Variants in KCNN2 observed in about 807,000 individuals in gnomAD.
KCNN2 encodes the protein small conductance calcium-activated potassium channel protein 2.
A neutral mutation model predicts 55.5 loss-of-function variants in KCNN2; 24 were observed. The ratio of observed to expected loss-of-function variants is 0.43; its 90% CI spans 0.31 to 0.61. KCNN2 has a LOEUF of 0.61. Among genes scored for constraint, KCNN2 ranks in the 20% least tolerant of loss-of-function variants. KCNN2 has a pLI of 0.08. For missense variants in KCNN2, 754 were observed against 853.6 expected (o/e 0.88, Z 1.45); for synonymous variants, 431 against 336.1 (o/e 1.28, Z -3.09).
At chr5:114,070,257 A>T (rs552333958) in intron 1 of KCNN2, among the ~76,000 whole-genome samples, 40 of 152,202 alleles carry the variant, frequency 2.6e-4, no homozygotes, top group Non-Finnish European at 5.7e-4. Context: ...TCTGAGGCCT[A>T]TGTCCCTGGC....
intron 2 of KCNN2, among the ~76,000 whole-genome samples, chr5:114,243,848 T>A (rs10044377): frequency 6.6e-6 from 1 of 152,154 alleles, no homozygotes; most frequent in African/African-American, 2.4e-5. Flanking sequence ...AGGTTTCACT[T>A]TGGGTAAGAA....
intron 3 of KCNN2, among the ~76,000 whole-genome samples, chr5:114,456,564 AT>A (rs1760937596): frequency 6.6e-6 from 1 of 152,210 alleles, no homozygotes; most frequent in South Asian, 2.1e-4. Flanking sequence ...CTCAAGTCAT[AT>A]TATTTCAAAA....
At position 114,473,326 on chromosome 5, in the gene KCNN2, A is replaced by G. The variant is rs774438663; in HGVS notation, c.1890+162A>G. The G allele has an allele frequency of 5.8e-4, 359 of 615,248 alleles. 1 individual carries two copies. Among genetic ancestry groups the G allele is most frequent in the South Asian group, 2.6e-3 (129 of 50,492 alleles). 38.1% of individuals were successfully genotyped at this position (615,248 alleles called of 1,614,324 possible). A position where few individuals can be genotyped will look rare whatever the true frequency, so the allele number is the denominator to read the frequency against. On this transcript the variant is annotated intron_variant, in intron 5 of 7. Transcript: ENST00000673685. Reference sequence around the variant, plus strand: ...TTTTATCACATTTTGAGAATAGACTATTTCTACCTTGAGGTCAGTTAGGAA... The same window carrying G: ...TTTTATCACATTTTGAGAATAGACTGTTTCTACCTTGAGGTCAGTTAGGAA...
At chr5:114,363,579 C>T (rs1018698263) in intron 1 of KCNN2, among the ~76,000 whole-genome samples, 1 of 152,152 alleles carries the variant, frequency 6.6e-6, no homozygotes, top group Non-Finnish European at 1.5e-5. Flanking sequence ...TTTAGAAGGG[C>T]CCTTTCAACC....
chr5:114,464,821 CGG>C (rs1761366360), intron 4 of KCNN2, among the ~76,000 whole-genome samples: 1 of 49,238 alleles, frequency 2.0e-5, no homozygotes, highest in Non-Finnish European at 4.3e-5. Context: ...AAAAAAAAAA[CGG>C]TATGCTGCAT....
At chr5:114,320,201 C>T (rs1435501358) in intron 2 of KCNN2, among the ~76,000 whole-genome samples, 1 of 152,154 alleles carries the variant, frequency 6.6e-6, no homozygotes, top group Non-Finnish European at 1.5e-5. Context: ...GTAAAATCAA[C>T]ATACCCTGTC....
chr5:114,466,462 T>TA (rs1458467354), intron 4 of KCNN2, among the ~76,000 whole-genome samples: 5 of 117,944 alleles, frequency 4.2e-5, no homozygotes, highest in African/African-American at 1.4e-4. Flanking sequence ...AAAGTTATTT[T>TA]ATCTTCCTAG....
At chr5:114,480,616 A>G (rs1377858973) in intron 5 of KCNN2, among the ~76,000 whole-genome samples, 8 of 152,236 alleles carry the variant, frequency 5.3e-5, no homozygotes, top group Non-Finnish European at 2.9e-5. Flanking sequence ...AAAAATCCTC[A>G]ATAAAATACT....
intron 4 of KCNN2, among the ~76,000 whole-genome samples, chr5:114,472,316 G>C (rs1238538184): frequency 6.6e-6 from 1 of 152,194 alleles, no homozygotes. Context: ...AATTCTTAGA[G>C]TACCACACAG....
chr5:114,253,585 G>T, intron 2 of KCNN2: 1 of 155,394 alleles, frequency 6.4e-6, no homozygotes. Context: ...TGGCTAGGCG[G>T]GTGTCCCCTT....
chr5:114,074,987 G>A (rs1561464390), intron 1 of KCNN2, among the ~76,000 whole-genome samples: 1 of 152,166 alleles, frequency 6.6e-6, no homozygotes. Flanking sequence ...CCAGACACAA[G>A]AAGGCAGGTT....
rs780241691 is a variant in KCNN2 at position 114,363,881 on chromosome 5, G to A, written c.1123-25G>A. 5 of 1,585,220 alleles carry A rather than the reference G, an allele frequency of 3.2e-6. No homozygotes were observed. In the East Asian group the frequency reaches 8.9e-5, roughly 28 times the overall value. ...GGTTAAAAGTGCTTCTTTCTTAAAA[G>A]TGCTTCTGTCTGACTGTGTTGCAGG... On this transcript the variant is annotated intron_variant, in intron 1 of 7. Transcript: ENST00000673685.
At chr5:114,186,758 G>T (rs1047253530) in intron 1 of KCNN2, among the ~76,000 whole-genome samples, 18 of 152,166 alleles carry the variant, frequency 1.2e-4, no homozygotes, top group African/African-American at 4.3e-4. Flanking sequence ...TTAGTAATCA[G>T]TTACCATTTT....
At chr5:114,311,761 A>G (rs927048556) in intron 2 of KCNN2, among the ~76,000 whole-genome samples, 2 of 152,098 alleles carry the variant, frequency 1.3e-5, no homozygotes, top group African/African-American at 2.4e-5. Context: ...TTTGGTTTCA[A>G]TTTCAGTACA....
intron 1 of KCNN2, among the ~76,000 whole-genome samples, chr5:114,158,052 C>T (rs189896973): frequency 0.025 from 3,875 of 152,110 alleles, 155 homozygotes; most frequent in African/African-American, 0.088. Context: ...CTTTGCTTTT[C>T]GTGTTTTAGA....
At chr5:114,266,933 C>T (rs1265738426) in intron 2 of KCNN2, among the ~76,000 whole-genome samples, 5 of 151,768 alleles carry the variant, frequency 3.3e-5, no homozygotes, top group African/African-American at 7.3e-5. Context: ...TCTAACAACC[C>T]TCTCTTAGTC....
intron 1 of KCNN2, among the ~76,000 whole-genome samples, chr5:114,138,250 G>C (rs968284755): frequency 3.3e-5 from 5 of 152,128 alleles, no homozygotes; most frequent in Admixed American, 6.5e-5. Context: ...TATTCTGTAA[G>C]TATATTTGTT....
chr5:114,056,393 G>C, exon 1 of KCNN2: 1 of 398,664 alleles, frequency 2.5e-6, no homozygotes, highest in Non-Finnish European at 4.4e-6. Context: ...ATTCTCAGTG[G>C]ACTCGATCTT....
At chr5:114,145,705 C>T (rs1561494350) in intron 1 of KCNN2, among the ~76,000 whole-genome samples, 1 of 152,070 alleles carries the variant, frequency 6.6e-6, no homozygotes, top group Non-Finnish European at 1.5e-5. Context: ...CTGATAGGAG[C>T]GTCCATCCAT....
Sources: gnomAD v4.1 joint callset for allele counts (sites outside exome capture counted in the v4.1 genomes callset) on GRCh38, gnomAD v4.1.1 for gene constraint, MANE v1.5 for transcripts, NCBI Gene and HGNC (gene_info 2026-07-23, HGNC 2026-07-21) for gene names.